HMG20A: variants seen among roughly 807,000 people sequenced by gnomAD.
HMG20A encodes the protein high mobility group 20A, also known as high mobility group protein 20A.
HMG20A carries 17 observed loss-of-function variants against 43.9 expected under a neutral mutation model. The observed-to-expected ratio is 0.39, with a 90% CI of 0.27 to 0.58. HMG20A has a LOEUF of 0.58. HMG20A is among the 20% of genes least tolerant of loss of function. HMG20A has a pLI of 0.59. For missense variants in HMG20A, 341 were observed against 438.2 expected (o/e 0.78, Z 1.98); for synonymous variants, 132 against 147.5 (o/e 0.89, Z 0.76).
At chr15:77,427,129 G>A (rs1269908857) in intron 1 of HMG20A, among the ~76,000 whole-genome samples, 1 of 152,050 alleles carries the variant, frequency 6.6e-6, no homozygotes. Context: ...TCAAAACAAA[G>A]TTACTGGGGA....
the HMG20A span, among the ~76,000 whole-genome samples, chr15:77,508,963 C>T: frequency 6.6e-6 from 1 of 152,200 alleles, no homozygotes; most frequent in Non-Finnish European, 1.5e-5. Context: ...CTTCCCATGG[C>T]CTCTTTGGCC....
At chr15:77,490,957 C>T in the HMG20A span, among the ~76,000 whole-genome samples, 2 of 152,190 alleles carry the variant, frequency 1.3e-5, no homozygotes, top group East Asian at 1.9e-4. Flanking sequence ...CGCATGTGCA[C>T]ACATGTAGAT....
At chr15:77,426,218 T>C (rs374944962) in intron 1 of HMG20A, among the ~76,000 whole-genome samples, 4 of 152,190 alleles carry the variant, frequency 2.6e-5, no homozygotes, top group Admixed American at 6.5e-5. Flanking sequence ...TATACTAATA[T>C]ACAGTTGACA....
At chr15:77,517,846 T>C in the HMG20A span, among the ~76,000 whole-genome samples, 1 of 152,076 alleles carries the variant, frequency 6.6e-6, no homozygotes, top group Non-Finnish European at 1.5e-5. Context: ...ACGCTCAGGT[T>C]CTGCAAACAG....
rs535172797 is a variant in HMG20A at position 77,457,815 on chromosome 15, T to C, written c.-4-589T>C. ...CCATCCTCTACTTCCTTTGCATTAT[T>C]TCCTTTTGGAGGGCTCAGTTTGCCA... On this transcript the variant is annotated intron_variant, in intron 1 of 9. Transcript: ENST00000336216. Among the ~76,000 whole-genome samples the C allele has an allele frequency of 6.6e-5, 10 of 152,336 alleles. No individual in the cohort carries two copies. The East Asian group carries it at 1.9e-3, about 29-fold the overall frequency.
chr15:77,431,290 C>A (rs542230109), intron 1 of HMG20A, among the ~76,000 whole-genome samples: 1 of 152,170 alleles, frequency 6.6e-6, no homozygotes, highest in Non-Finnish European at 1.5e-5. Flanking sequence ...CAGCTCACTG[C>A]AACCTTTGCC....
At chr15:77,452,519 T>A (rs1335323201) in intron 1 of HMG20A, among the ~76,000 whole-genome samples, 3 of 152,104 alleles carry the variant, frequency 2.0e-5, no homozygotes, top group Non-Finnish European at 2.9e-5. Flanking sequence ...CAAGAGAGAC[T>A]GGGGTACTAG....
chr15:77,421,675 A>G (rs777277979), intron 1 of HMG20A, among the ~76,000 whole-genome samples: 1 of 152,216 alleles, frequency 6.6e-6, no homozygotes, highest in Non-Finnish European at 1.5e-5. Flanking sequence ...TCATCTTAGC[A>G]GAATGAAAGT....
the HMG20A span, among the ~76,000 whole-genome samples, chr15:77,499,471 C>G: frequency 1.3e-5 from 2 of 152,138 alleles, no homozygotes; most frequent in Non-Finnish European, 2.9e-5. Flanking sequence ...ATCCTACACG[C>G]CTCTCCCCAG....
In HMG20A at chr15:77,421,244, A is replaced by G. The variant is rs34591043; in HGVS notation, c.-5+240A>G. On this transcript the variant is annotated intron_variant, in intron 1 of 9. Coordinates refer to ENST00000336216, the MANE Select transcript of HMG20A (RefSeq NM_001304504.2). ...GGTGTCCGACCCACTTCCAGTGCTG[A>G]TGAGGGCTTGAAAAGGTGGTGCTTG... is the stretch of plus-strand genomic sequence containing the variant. 0.63 allele frequency: 181,698 copies of G among 290,348 alleles called. 59,712 individuals carry two copies. Among genetic ancestry groups the G allele is most frequent in the Non-Finnish European group, 0.69 (108,441 of 156,728 alleles). The allele number at this position is 290,348 out of a possible 1,614,324, so 18.0% of individuals were successfully genotyped here. A position where few individuals can be genotyped will look rare whatever the true frequency, so the allele number is the denominator to read the frequency against.
At chr15:77,423,915 A>G (rs369676702) in intron 1 of HMG20A, among the ~76,000 whole-genome samples, 5 of 152,200 alleles carry the variant, frequency 3.3e-5, no homozygotes, top group African/African-American at 1.2e-4. Context: ...CTTCACAGGT[A>G]TTCAAATGAG....
At chr15:77,453,769 T>C (rs1425450928) in intron 1 of HMG20A, among the ~76,000 whole-genome samples, 1 of 152,206 alleles carries the variant, frequency 6.6e-6, no homozygotes, top group African/African-American at 2.4e-5. Context: ...TGATACACGC[T>C]ACAATGTGAA....
intron 4 of HMG20A, among the ~76,000 whole-genome samples, chr15:77,469,117 T>A (rs2072783657): frequency 6.6e-6 from 1 of 152,072 alleles, no homozygotes; most frequent in Non-Finnish European, 1.5e-5. Context: ...GTTCTCAATA[T>A]GTCACATATG....
At chr15:77,426,731 A>G (rs976804093) in intron 1 of HMG20A, among the ~76,000 whole-genome samples, 3 of 152,138 alleles carry the variant, frequency 2.0e-5, no homozygotes, top group Non-Finnish European at 4.4e-5. Flanking sequence ...TAAAAGAGAG[A>G]GATACTTAGA....
intron 1 of HMG20A, among the ~76,000 whole-genome samples, chr15:77,425,519 G>A (rs763614057): frequency 5.3e-5 from 8 of 152,162 alleles, no homozygotes; most frequent in Non-Finnish European, 8.8e-5. Context: ...TTCTTAGGGT[G>A]TCAGATAAGC....
rs112530076 is a variant in HMG20A, at chr15:77,435,159, T to C, written c.-5+14155T>C. ...TAATTACTTTTACAGGGATAGTGAA[T>C]GGGAAGGGGCATAAGGTAGGGGATT... On this transcript the variant is annotated intron_variant, in intron 1 of 9. Transcript: ENST00000336216. Among the ~76,000 whole-genome samples the C allele has an allele frequency of 1.0e-2, 1,522 of 152,256 alleles. 32 individuals are homozygous for C. The highest frequency in any genetic ancestry group is 0.035 in the African/African-American group (1,455 of 41,530).
intron 9 of HMG20A, among the ~76,000 whole-genome samples, chr15:77,480,563 G>A (rs2072897399): frequency 6.7e-6 from 1 of 150,236 alleles, no homozygotes; most frequent in South Asian, 2.1e-4. Context: ...AGTAAGCTAG[G>A]GTCACACTAG....
At chr15:77,479,851 TAGTC>T (rs1204741287) in intron 9 of HMG20A, among the ~76,000 whole-genome samples, 1 of 152,216 alleles carries the variant, frequency 6.6e-6, no homozygotes, top group Non-Finnish European at 1.5e-5. Context: ...AATTTAGAAG[TAGTC>T]AGTGAGACAT....
chr15:77,469,675 G>C (rs2072788965), intron 4 of HMG20A, among the ~76,000 whole-genome samples: 1 of 151,822 alleles, frequency 6.6e-6, no homozygotes, highest in Non-Finnish European at 1.5e-5. Flanking sequence ...TTGTTTGTTT[G>C]TTTGTTTTTT....
Sources: allele counts gnomAD v4.1 joint callset (sites outside exome capture counted in the v4.1 genomes callset), GRCh38; gene constraint gnomAD v4.1.1; transcripts MANE v1.5; gene names NCBI Gene and HGNC (gene_info 2026-07-23, HGNC 2026-07-21).